PALM2AKAP2: variants seen among roughly 807,000 people sequenced by gnomAD.
PALM2AKAP2 encodes the protein PALM2 and AKAP2 fusion, also known as PALM2-AKAP2 fusion protein.
Under a neutral mutation model 71.5 loss-of-function variants are expected in PALM2AKAP2, and 37 were observed. The observed-to-expected ratio is 0.52, with a 90% CI of 0.40 to 0.68. The LOEUF (loss-of-function observed/expected upper bound fraction) is 0.68. Among genes scored for constraint, PALM2AKAP2 ranks in the 30% least tolerant of loss-of-function variants. The pLI is 0.00. For synonymous variants in PALM2AKAP2, 468 were observed against 478.8 expected (o/e 0.98, Z 0.29); for missense variants, 1,224 against 1,191.8 (o/e 1.03, Z -0.40).
intron 6 of PALM2AKAP2, among the ~76,000 whole-genome samples, chr9:109,986,066 C>T (rs567472815): frequency 6.6e-6 from 1 of 152,312 alleles, no homozygotes; most frequent in South Asian, 2.1e-4. Flanking sequence ...ATGCGACCCG[C>T]TACCAAAATC....
intron 1 of PALM2AKAP2, among the ~76,000 whole-genome samples, chr9:110,071,040 T>G (rs1382784528): frequency 6.6e-6 from 1 of 151,814 alleles, no homozygotes; most frequent in Non-Finnish European, 1.5e-5. Flanking sequence ...GGTACGTGCC[T>G]GTAGTCTCAG....
intron 1 of PALM2AKAP2, among the ~76,000 whole-genome samples, chr9:109,669,317 A>G (rs1371360351): frequency 6.6e-6 from 1 of 150,888 alleles, no homozygotes; most frequent in Non-Finnish European, 1.5e-5. Context: ...TTTTTTCTAG[A>G]TCTAATGAGA....
intron 3 of PALM2AKAP2, among the ~76,000 whole-genome samples, chr9:109,915,236 G>A (rs574902405): frequency 1.3e-5 from 2 of 152,342 alleles, no homozygotes; most frequent in Admixed American, 6.5e-5. Context: ...TGTCCCAAGA[G>A]GGATTGGCTT....
At chr9:109,707,273 C>A (rs1213411861) in intron 1 of PALM2AKAP2, among the ~76,000 whole-genome samples, 1 of 152,026 alleles carries the variant, frequency 6.6e-6, no homozygotes, top group Non-Finnish European at 1.5e-5. Flanking sequence ...AACTGCCCCC[C>A]TACCACCACC....
Position 110,138,395 on chromosome 9 carries a change from TCCATGATTGAGGAA to T in PALM2AKAP2, c.2426_2439del (p.Ser809Ter). 1 of 1,614,186 alleles carries T rather than the reference TCCATGATTGAGGAA, an allele frequency of 6.2e-7. No individual in the cohort carries two copies. Among genetic ancestry groups the T allele is most frequent in the Non-Finnish European group, 8.5e-7 (1 of 1,180,034 alleles). ...GAGGTCCAGGAAACAGCGGACTTTG[TCCATGATTGAGGAA>T]GAGATCCGAGCAGCTCAGGAAAGGG... On this transcript the variant is annotated frameshift_variant, in exon 2 of 4. Coordinates refer to ENST00000374525, the Ensembl canonical transcript of PALM2AKAP2. LOFTEE classifies it high-confidence loss of function.
intron 1 of PALM2AKAP2, among the ~76,000 whole-genome samples, chr9:109,839,529 T>A (rs988817973): frequency 1.4e-4 from 21 of 152,326 alleles, no homozygotes; most frequent in African/African-American, 4.3e-4. Context: ...TTGGAAGTTC[T>A]GGCCAGGGCA....
At chr9:109,741,970 T>G (rs1288114115) in intron 1 of PALM2AKAP2, among the ~76,000 whole-genome samples, 4 of 152,184 alleles carry the variant, frequency 2.6e-5, no homozygotes, top group African/African-American at 4.8e-5. Context: ...ATAATAGTGG[T>G]CTACTTTGCA....
At chr9:110,057,047 G>T (rs537417950) in intron 1 of PALM2AKAP2, among the ~76,000 whole-genome samples, 1 of 152,118 alleles carries the variant, frequency 6.6e-6, no homozygotes, top group East Asian at 2.0e-4. Flanking sequence ...GGGACGCCTT[G>T]TCCTTGCGGT....
chr9:109,681,831 A>G (rs1827740395), intron 1 of PALM2AKAP2, among the ~76,000 whole-genome samples: 1 of 152,286 alleles, frequency 6.6e-6, no homozygotes, highest in East Asian at 1.9e-4. Flanking sequence ...CTCTGAGAAG[A>G]CCATTATGAA....
At chr9:109,927,663 C>T (rs1830988396) in intron 5 of PALM2AKAP2, among the ~76,000 whole-genome samples, 1 of 152,182 alleles carries the variant, frequency 6.6e-6, no homozygotes, top group Non-Finnish European at 1.5e-5. Context: ...CTTTTGATTG[C>T]ATGATAGCCT....
intron 5 of PALM2AKAP2, among the ~76,000 whole-genome samples, chr9:109,928,614 G>A (rs375863866): frequency 3.2e-4 from 49 of 151,888 alleles, no homozygotes; most frequent in African/African-American, 1.1e-3. Flanking sequence ...ATATATTGAG[G>A]GGGCTGCTCT....
intron 3 of PALM2AKAP2, among the ~76,000 whole-genome samples, chr9:109,889,142 A>G (rs1000129488): frequency 2.0e-5 from 3 of 152,246 alleles, no homozygotes; most frequent in Admixed American, 6.5e-5. Flanking sequence ...CAGTTACTTG[A>G]AAATAAAAGG....
At chr9:109,647,890 T>C (rs1827175363) in intron 1 of PALM2AKAP2, among the ~76,000 whole-genome samples, 1 of 152,248 alleles carries the variant, frequency 6.6e-6, no homozygotes, top group African/African-American at 2.4e-5. Context: ...GTTGAGGAAA[T>C]GAGCACATGT....
At chr9:109,799,904 G>A (rs777814123) in intron 1 of PALM2AKAP2, among the ~76,000 whole-genome samples, 1 of 152,208 alleles carries the variant, frequency 6.6e-6, no homozygotes. Context: ...CCAGTTTCGA[G>A]TTGGAATGTG....
intron 6 of PALM2AKAP2, among the ~76,000 whole-genome samples, chr9:109,976,465 G>A (rs554247832): frequency 6.6e-6 from 1 of 152,230 alleles, no homozygotes; most frequent in Non-Finnish European, 1.5e-5. Flanking sequence ...AGAAAGGAAG[G>A]ATTACTCAGC....
At chr9:109,688,922 T>G (rs1329570416) in intron 1 of PALM2AKAP2, among the ~76,000 whole-genome samples, 1 of 152,204 alleles carries the variant, frequency 6.6e-6, no homozygotes, top group East Asian at 1.9e-4. Context: ...AATGTATTTT[T>G]CTGCAATAAT....
At chr9:109,925,034 C>T (rs762585080) in intron 4 of PALM2AKAP2, 27 bp from the exon 5 acceptor site, 51 of 1,613,912 alleles carry the variant, frequency 3.2e-5, no homozygotes, top group African/African-American at 8.0e-5. Context: ...TGTAGAGTAA[C>T]GCTCTGCCTT....
chr9:110,010,846 A>G lies in PALM2AKAP2; in HGVS notation c.497-5108A>G, dbSNP rs182029293. On this transcript the variant is annotated intron_variant, in intron 6 of 9. Coordinates refer to the PALM2AKAP2 transcript ENST00000302798. The stretch of plus-strand genomic sequence containing the variant: ...ATCCTGTCTCTACTAAAAATACAAA[A>G]TTAGCCGGGCATGGTGGTACATGCC... 2.1e-3 allele frequency among the ~76,000 whole-genome samples: 315 copies of G among 148,162 alleles called. 1 individual carries two copies. The highest frequency in any genetic ancestry group is 7.2e-3 in the African/African-American group (292 of 40,812).
At chr9:109,979,822 T>C (rs1832237193) in intron 6 of PALM2AKAP2, among the ~76,000 whole-genome samples, 1 of 152,148 alleles carries the variant, frequency 6.6e-6, no homozygotes, top group South Asian at 2.1e-4. Context: ...TCAAAATAGA[T>C]TGAAAAATGA....
Sources: gnomAD v4.1 joint callset for allele counts (sites outside exome capture counted in the v4.1 genomes callset) on GRCh38, gnomAD v4.1.1 for gene constraint, MANE v1.5 for transcripts, NCBI Gene and HGNC (gene_info 2026-07-23, HGNC 2026-07-21) for gene names.